BAZ2B: variants seen among roughly 807,000 people sequenced by gnomAD.
BAZ2B encodes the protein bromodomain adjacent to zinc finger domain 2B, also known as bromodomain adjacent to zinc finger domain protein 2B.
Under a neutral mutation model 246.0 loss-of-function variants are expected in BAZ2B, and 91 were observed. The observed-to-expected ratio is 0.37, with a 90% CI of 0.31 to 0.44. The LOEUF (loss-of-function observed/expected upper bound fraction) is 0.44, where lower values mean the gene tolerates loss of function less well. Ranked by LOEUF, BAZ2B falls within the 20% of genes least tolerant of loss-of-function variation. BAZ2B has a pLI of 1.00. For synonymous variants in BAZ2B, 855 were observed against 860.0 expected (o/e 0.99, Z 0.10); for missense variants, 2,332 against 2,533.7 (o/e 0.92, Z 1.71).
At chr2:159,635,375 A>C in the BAZ2B span, among the ~76,000 whole-genome samples, 29 of 152,218 alleles carry the variant, frequency 1.9e-4, no homozygotes, top group African/African-American at 7.0e-4. Context: ...ATAAAAATAA[A>C]AAAAATAACA....
chr2:159,609,324 G>A (rs1694206347), intron 1 of BAZ2B, among the ~76,000 whole-genome samples: 1 of 152,104 alleles, frequency 6.6e-6, no homozygotes. Flanking sequence ...ATAGTTTTAG[G>A]ATTAGCATTA....
chr2:159,559,856 A>G lies in BAZ2B; in HGVS notation c.-45-3991T>C, dbSNP rs529742422. The stretch of plus-strand genomic sequence containing the variant: ...AAAAGTAATGTTACATTTTATGAAA[A>G]CATAATTCAACTAATGTATTGGTTA... On this transcript the variant is annotated intron_variant, in intron 1 of 36. Coordinates refer to ENST00000392783, the MANE Select transcript of BAZ2B (RefSeq NM_013450.4). Among the ~76,000 whole-genome samples, 17 of 152,308 alleles carry G rather than the reference A, an allele frequency of 1.1e-4. No homozygotes were observed. In the South Asian group the frequency reaches 3.5e-3, roughly 32 times the overall value.
At chr2:159,468,662 G>A (rs1046213519) in intron 3 of BAZ2B, among the ~76,000 whole-genome samples, 1 of 152,168 alleles carries the variant, frequency 6.6e-6, no homozygotes, top group Non-Finnish European at 1.5e-5. Flanking sequence ...CGCAGCTACA[G>A]CAGTAATTAC....
At chr2:159,327,545 G>A (rs1197253809) in intron 34 of BAZ2B, among the ~76,000 whole-genome samples, 1 of 151,538 alleles carries the variant, frequency 6.6e-6, no homozygotes, top group Non-Finnish European at 1.5e-5. Flanking sequence ...GATTATTTTG[G>A]GTTTTTATAT....
intron 1 of BAZ2B, among the ~76,000 whole-genome samples, chr2:159,615,014 T>C (rs763344390): frequency 3.9e-5 from 6 of 152,042 alleles, no homozygotes; most frequent in Non-Finnish European, 7.4e-5. Context: ...AAACGCTTGT[T>C]GTTTAGAGGG....
At chr2:159,641,797 A>G in the BAZ2B span, among the ~76,000 whole-genome samples, 357 of 152,232 alleles carry the variant, frequency 2.3e-3, 2 homozygotes, top group Non-Finnish European at 4.5e-3. Context: ...TTATCCCAAC[A>G]TTGTTCTTAT....
At chr2:159,661,467 G>C in the BAZ2B span, among the ~76,000 whole-genome samples, 1 of 152,162 alleles carries the variant, frequency 6.6e-6, no homozygotes, top group East Asian at 1.9e-4. Flanking sequence ...CAAGAAAAGA[G>C]TGAATGAATC....
chr2:159,577,902 G>T (rs547192750), intron 1 of BAZ2B, among the ~76,000 whole-genome samples: 135 of 152,160 alleles, frequency 8.9e-4, no homozygotes, highest in Non-Finnish European at 1.4e-3. Context: ...CATGAGAAAA[G>T]AACTAGTTCA....
chr2:159,666,434 T>C, the BAZ2B span, among the ~76,000 whole-genome samples: 19 of 152,056 alleles, frequency 1.2e-4, no homozygotes, highest in Non-Finnish European at 2.1e-4. Context: ...TAAATTTTTG[T>C]ATTTTTTGTA....
At chr2:159,383,727 G>A in intron 23 of BAZ2B, 47 bp from the exon 24 acceptor site, 1 of 1,475,150 alleles carries the variant, frequency 6.8e-7, no homozygotes, top group Non-Finnish European at 9.4e-7. Context: ...ATCAATTTAT[G>A]CAATGCATTA....
intron 2 of BAZ2B, among the ~76,000 whole-genome samples, chr2:159,524,750 A>G (rs1461319691): frequency 6.6e-6 from 1 of 152,192 alleles, no homozygotes; most frequent in Non-Finnish European, 1.5e-5. Flanking sequence ...AGTAAAATTG[A>G]TATTTTCCTA....
chr2:159,377,319 T>C (rs2061506153), intron 25 of BAZ2B, among the ~76,000 whole-genome samples: 1 of 152,200 alleles, frequency 6.6e-6, no homozygotes, highest in Non-Finnish European at 1.5e-5. Flanking sequence ...TTTACTTACA[T>C]AGGAAATTGA....
intron 14 of BAZ2B, among the ~76,000 whole-genome samples, chr2:159,408,042 C>T (rs892218302): frequency 6.6e-6 from 1 of 152,062 alleles, no homozygotes; most frequent in Non-Finnish European, 1.5e-5. Context: ...GGCATAAGTA[C>T]GATCTTTTGC....
chr2:159,579,586 A>G (rs1371741707), intron 1 of BAZ2B, among the ~76,000 whole-genome samples: 2 of 152,192 alleles, frequency 1.3e-5, no homozygotes, highest in Admixed American at 6.5e-5. Flanking sequence ...TGCCAACATC[A>G]TCCTGATACC....
intron 2 of BAZ2B, 198 bp downstream of exon 2, chr2:159,555,625 T>A (rs1421562492): frequency 6.8e-6 from 1 of 146,390 alleles, no homozygotes. Flanking sequence ...TAAATGTTTT[T>A]TAAATCCTTT....
intron 34 of BAZ2B, among the ~76,000 whole-genome samples, chr2:159,326,653 C>A: frequency 7.3e-6 from 1 of 137,694 alleles, no homozygotes; most frequent in Non-Finnish European, 1.7e-5. Flanking sequence ...ATTTGTGAGG[C>A]CCTGTTTTCT....
At chr2:159,464,433 A>G (rs1290404822) in intron 3 of BAZ2B, 3 of 152,204 alleles carry the variant, frequency 2.0e-5, no homozygotes, top group Admixed American at 2.0e-4. Context: ...GCATTATTAG[A>G]AAAGATGGTC....
intron 1 of BAZ2B, among the ~76,000 whole-genome samples, chr2:159,605,337 G>GA (rs1462798679): frequency 3.3e-5 from 5 of 152,052 alleles, no homozygotes; most frequent in Non-Finnish European, 7.4e-5. Context: ...CACCTGGCTT[G>GA]ATAAGTGATT....
At chr2:159,624,194 G>T in the BAZ2B span, among the ~76,000 whole-genome samples, 1 of 152,228 alleles carries the variant, frequency 6.6e-6, no homozygotes, top group Non-Finnish European at 1.5e-5. Flanking sequence ...AGCAGCCCCA[G>T]TCAGGGGCTT....
Sources: allele counts gnomAD v4.1 joint callset (sites outside exome capture counted in the v4.1 genomes callset), GRCh38; gene constraint gnomAD v4.1.1; transcripts MANE v1.5; gene names NCBI Gene and HGNC (gene_info 2026-07-23, HGNC 2026-07-21).